Variants in CHODL observed in about 807,000 individuals in gnomAD.
CHODL encodes chondrolectin, also known as transmembrane protein MT75.
In CHODL, 29 loss-of-function variants were observed where a neutral mutation model predicts 34.5. The observed-to-expected ratio is 0.84, with a 90% confidence interval of 0.63 to 1.15. The LOEUF (loss-of-function observed/expected upper bound fraction) is 1.15. CHODL is among the 50% of genes most tolerant of loss of function. The probability of loss-of-function intolerance (pLI) is 0.00; values close to 1 mark genes in which losing one functional copy is unlikely to be tolerated. For synonymous variants in CHODL, 125 were observed against 116.1 expected, an observed-to-expected ratio of 1.08 and a Z score of -0.49; for missense variants, 332 against 332.5, an observed-to-expected ratio of 1.00 and a Z score of 0.01.
At chr21:18,222,361 C>T (rs1458726602) in intron 2 of CHODL, among the ~76,000 whole-genome samples, 1 of 152,100 alleles carries the variant, frequency 6.6e-6, no homozygotes, top group Non-Finnish European at 1.5e-5. Flanking sequence ...AGCTATTTGG[C>T]TTCAGGGCAG....
At chr21:18,007,975 TCTA>T (rs1268155032) in intron 1 of CHODL, among the ~76,000 whole-genome samples, 1 of 152,160 alleles carries the variant, frequency 6.6e-6, no homozygotes, top group Non-Finnish European at 1.5e-5. Context: ...CATGCATAAA[TCTA>T]TGATTATACT....
chr21:18,259,908 T>C (rs987409580), intron 3 of CHODL, among the ~76,000 whole-genome samples: 1 of 152,228 alleles, frequency 6.6e-6, no homozygotes, highest in Non-Finnish European at 1.5e-5. Context: ...TCCGCCATTA[T>C]TGCCTGCAGC....
At chr21:18,099,397 T>G (rs1216137519) in intron 2 of CHODL, among the ~76,000 whole-genome samples, 1 of 151,380 alleles carries the variant, frequency 6.6e-6, no homozygotes. Flanking sequence ...AGTAAAAAAA[T>G]TTAAAAATAA....
intron 2 of CHODL, among the ~76,000 whole-genome samples, chr21:18,120,158 A>G (rs1168436083): frequency 1.3e-5 from 2 of 152,142 alleles, no homozygotes; most frequent in Non-Finnish European, 2.9e-5. Flanking sequence ...ATTGTTTCAC[A>G]TTGTGCTGAT....
intron 2 of CHODL, among the ~76,000 whole-genome samples, chr21:18,147,994 C>T (rs1015164180): frequency 6.6e-5 from 10 of 152,026 alleles, no homozygotes; most frequent in African/African-American, 1.7e-4. Flanking sequence ...AAAGGAAATC[C>T]GATGGGTCCT....
rs142217946 is a variant in CHODL, at chr21:18,108,060, A to G, written c.-45+80089A>G. On this transcript the variant is annotated intron_variant, in intron 2 of 6. Transcript: ENST00000400127. The stretch of plus-strand genomic sequence containing the variant: ...CATTTGGCAATCTGTGAACTTCCTG[A>G]TTTCCATTTACACCATTGTGGGATT... Among the ~76,000 whole-genome samples, 832 of 151,918 alleles carry G rather than the reference A, an allele frequency of 5.5e-3. 4 individuals are homozygous for G. The highest frequency in any genetic ancestry group is 0.016 in the South Asian group (76 of 4,808).
chr21:18,181,600 C>T (rs1036751958), intron 2 of CHODL, among the ~76,000 whole-genome samples: 3 of 152,186 alleles, frequency 2.0e-5, no homozygotes, highest in African/African-American at 7.2e-5. Flanking sequence ...GACGGGGTTT[C>T]ACCGTGGTCT....
intron 2 of CHODL, among the ~76,000 whole-genome samples, chr21:18,162,849 T>C (rs73202908): frequency 0.014 from 2,087 of 152,288 alleles, 24 homozygotes; most frequent in Non-Finnish European, 0.02. Context: ...CTATGTTGCT[T>C]AGGCTAGACT....
intron 2 of CHODL, among the ~76,000 whole-genome samples, chr21:18,108,354 C>T (rs1189513917): frequency 6.6e-6 from 1 of 152,128 alleles, no homozygotes; most frequent in South Asian, 2.1e-4. Context: ...TGACGTCTTA[C>T]TATATGCTAG....
intron 2 of CHODL, among the ~76,000 whole-genome samples, chr21:18,234,292 T>G (rs1182488520): frequency 6.6e-6 from 1 of 152,116 alleles, no homozygotes; most frequent in East Asian, 1.9e-4. Context: ...AGGCCCTCTC[T>G]TGGAAGGTTA....
intron 2 of CHODL, among the ~76,000 whole-genome samples, chr21:18,060,051 T>C (rs983815179): frequency 6.6e-6 from 1 of 152,166 alleles, no homozygotes; most frequent in Admixed American, 6.6e-5. Context: ...AAACACTTTC[T>C]TCCAAGGTGC....
intron 1 of CHODL, among the ~76,000 whole-genome samples, chr21:18,251,930 T>TTG (rs1375264889): frequency 3.3e-5 from 5 of 151,630 alleles, no homozygotes; most frequent in Non-Finnish European, 7.4e-5. Context: ...CCCATGAACT[T>TTG]AAAATAAATG....
chr21:18,219,121 C>T (rs1275550247), intron 2 of CHODL, among the ~76,000 whole-genome samples: 3 of 152,122 alleles, frequency 2.0e-5, no homozygotes, highest in Non-Finnish European at 4.4e-5. Context: ...TATCAATTTA[C>T]TGTATTAGTC....
In CHODL at chr21:17,982,593, A is replaced by T. The variant is rs190780495; in HGVS notation, c.-144-45279A>T. On this transcript the variant is annotated intron_variant, in intron 1 of 6. Coordinates refer to the CHODL transcript ENST00000400127. ...AATATTGTGTACTCTTTTAAAAAAA[A>T]TTTTATAAGCTAAGCAAATGAAAAA... 6.6e-5 allele frequency among the ~76,000 whole-genome samples: 10 copies of T among 151,926 alleles called. No homozygotes were observed. The East Asian group carries it at 1.5e-3, about 23-fold the overall frequency.
intron 5 of CHODL, 80 bp downstream of exon 5, chr21:18,262,973 A>G: frequency 1.3e-6 from 1 of 769,628 alleles, no homozygotes; most frequent in Non-Finnish European, 2.2e-6. Flanking sequence ...ATTAGCATAA[A>G]GTTAATTATA....
intron 2 of CHODL, among the ~76,000 whole-genome samples, chr21:18,070,669 C>A (rs2146498444): frequency 6.6e-6 from 1 of 152,258 alleles, no homozygotes; most frequent in South Asian, 2.1e-4. Flanking sequence ...GCTGTTAGTG[C>A]TTCTATAGAT....
chr21:18,096,381 C>G (rs755541947), intron 2 of CHODL, among the ~76,000 whole-genome samples: 3 of 152,114 alleles, frequency 2.0e-5, no homozygotes, highest in African/African-American at 2.4e-5. Flanking sequence ...TGACTGCCTG[C>G]GGGGCCGGGC....
intron 2 of CHODL, among the ~76,000 whole-genome samples, chr21:18,149,507 C>G (rs1239401373): frequency 6.6e-6 from 1 of 152,134 alleles, no homozygotes; most frequent in East Asian, 1.9e-4. Flanking sequence ...GAACATCCTT[C>G]TTTTGCATGT....
intron 1 of CHODL, among the ~76,000 whole-genome samples, chr21:17,938,912 T>TG (rs1170079047): frequency 6.6e-6 from 1 of 152,216 alleles, no homozygotes; most frequent in African/African-American, 2.4e-5. Context: ...TGTCTAATCT[T>TG]GTTTCCACAT....
Sources: allele counts gnomAD v4.1 joint callset (sites outside exome capture counted in the v4.1 genomes callset), GRCh38; gene constraint gnomAD v4.1.1; transcripts MANE v1.5; gene names NCBI Gene and HGNC (gene_info 2026-07-23, HGNC 2026-07-21).